The following OAS3 variants were observed in gnomAD, a reference collection of about 807,000 sequenced individuals.
The protein encoded by OAS3 is 2'-5'-oligoadenylate synthetase 3, also known as 2'-5'-oligoadenylate synthase 3.
Under a neutral mutation model 113.0 loss-of-function variants are expected in OAS3, and 107 were observed. The observed-to-expected ratio is 0.95, with a 90% CI of 0.81 to 1.11. The LOEUF (loss-of-function observed/expected upper bound fraction) is 1.11, where lower values mean the gene tolerates loss of function less well. OAS3 is among the 50% of genes most tolerant of loss of function. The pLI is 0.00. For synonymous variants in OAS3, 552 were observed against 573.6 expected, an observed-to-expected ratio of 0.96 and a Z score of 0.54; for missense variants, 1,258 against 1,389.1, an observed-to-expected ratio of 0.91 and a Z score of 1.50.
In OAS3 at chr12:112,945,184, C is replaced by G. The variant is rs141222627; in HGVS notation, c.636+533C>G. ...AAATGTAGCCGGGCGTGGTGGTACA[C>G]ACCTGTAATTCCAGTTACTCGGGAG... is the stretch of plus-strand genomic sequence containing the variant. On this transcript the variant is annotated intron_variant, in intron 3 of 15. Transcript: ENST00000228928. The G allele has an allele frequency of 1.7e-4, 30 of 181,128 alleles. No homozygotes were observed. In the East Asian group the frequency reaches 4.1e-3, roughly 25 times the overall value. The allele number at this position is 181,128 out of a possible 1,614,324, so 11.2% of individuals were successfully genotyped here.
intron 15 of OAS3, 91 bp downstream of exon 15, chr12:112,969,846 G>A: frequency 6.3e-7 from 1 of 1,589,306 alleles, no homozygotes; most frequent in Non-Finnish European, 8.6e-7. Flanking sequence ...TAAAGGGGCA[G>A]GGCCCAGTGA....
chr12:112,941,527 GAATTGGACAGTAT>G, intron 1 of OAS3, 30 bp from the exon 2 acceptor site: 1 of 1,588,246 alleles, frequency 6.3e-7, no homozygotes, highest in South Asian at 1.2e-5. Flanking sequence ...AAGGCCACTA[GAATTGGACAGTAT>G]GAAATTCTGA....
chr12:112,939,590 G>T (rs910384629), intron 1 of OAS3, among the ~76,000 whole-genome samples: 4 of 152,064 alleles, frequency 2.6e-5, no homozygotes, highest in Admixed American at 6.6e-5. Context: ...CAAAGTGCTG[G>T]GATTACAGGT....
intron 7 of OAS3, among the ~76,000 whole-genome samples, chr12:112,951,318 A>G (rs1290673369): frequency 6.6e-6 from 1 of 151,990 alleles, no homozygotes; most frequent in Non-Finnish European, 1.5e-5. Flanking sequence ...CCTTATTTTA[A>G]AGGGTTTACT....
chr12:112,952,461 T>C (rs1402051532), intron 7 of OAS3, among the ~76,000 whole-genome samples: 1 of 152,206 alleles, frequency 6.6e-6, no homozygotes, highest in Admixed American at 6.5e-5. Context: ...AACAATGATA[T>C]AATGATCTTC....
At position 112,944,602 on chromosome 12, in the gene OAS3, C is replaced by T. The variant is rs781434273; in HGVS notation, c.587C>T (p.Pro196Leu). Residue 196 changes from proline to leucine, a missense_variant, in exon 3 of 16, where the codon CCA (proline) becomes CTA (leucine). Physicochemically the swap from Pro to Leu is moderately conservative, Grantham distance 98. Coordinates refer to ENST00000228928, the MANE Select transcript of OAS3 (RefSeq NM_006187.4). ...CGGAGGAACTTTGTGAACATTCGCC[C>T]AGCCAAGTTGAAGAACCTAATCTTG... ...ELRRNFVNIR[P>L]AKLKNLILLV... 6.2e-7 allele frequency: 1 copy of T among 1,614,092 alleles called. No individual in the cohort carries two copies. The highest frequency in any genetic ancestry group is 8.5e-7 in the Non-Finnish European group (1 of 1,179,900).
At chr12:112,958,741 G>A (rs1004833422) in intron 7 of OAS3, among the ~76,000 whole-genome samples, 7 of 152,274 alleles carry the variant, frequency 4.6e-5, no homozygotes, top group Non-Finnish European at 7.3e-5. Context: ...CATATGAGGT[G>A]TCAGTCGGCC....
chr12:112,944,060 C>G (rs1019439495), intron 2 of OAS3, among the ~76,000 whole-genome samples: 1 of 152,160 alleles, frequency 6.6e-6, no homozygotes, highest in Non-Finnish European at 1.5e-5. Context: ...TCTTGGGCAT[C>G]GTTTTCCTCT....
rs1275351728 is a variant in OAS3 at position 112,967,981 on chromosome 12, G to A, written c.2911G>A (p.Gly971Arg). The stretch of plus-strand genomic sequence containing the variant: ...GAGAGGCTCCCTACCCCCACAGCAC[G>A]GGCTGGAACTCCTGACTGTGTATGC... ...KGRGSLPPQH[G>R]LELLTVYAWE... The change falls in exon 14 of 16, where the codon GGG becomes AGG. Residue 971 changes from glycine (G) to arginine (R), a missense_variant. Physicochemically the swap from Gly to Arg is moderately radical, Grantham distance 125. Transcript: ENST00000228928. The A allele has an allele frequency of 5.0e-6, 8 of 1,613,860 alleles. No individual in the cohort carries two copies. Among genetic ancestry groups the A allele is most frequent in the East Asian group, 2.2e-5 (1 of 44,904 alleles).
Position 112,941,724 on chromosome 12 carries a change from ACCCAGT to A in OAS3, c.336_341del (p.Val113_Pro114del). On this transcript the variant is annotated inframe_deletion, in exon 2 of 16. Transcript: ENST00000228928. The stretch of plus-strand genomic sequence containing the variant: ...GCATCGCTGGAATCCTGGTGGCAGA[ACCCAGT>A]CCCTGGTCTGAGACTCACGTTTCCT... 1 of 1,614,004 alleles carries A rather than the reference ACCCAGT, an allele frequency of 6.2e-7. No homozygotes were observed. The highest frequency in any genetic ancestry group is 8.5e-7 in the Non-Finnish European group (1 of 1,179,896).
At chr12:112,953,534 C>G (rs1406389771) in intron 7 of OAS3, among the ~76,000 whole-genome samples, 1 of 152,182 alleles carries the variant, frequency 6.6e-6, no homozygotes, top group Non-Finnish European at 1.5e-5. Context: ...AATGGTATTT[C>G]TAGTTCTAGA....
Position 112,941,672 on chromosome 12 carries a change from CG to C in OAS3, c.281del (p.Arg94LeufsTer23). ...FKSYVDQRAR[R>X]AEILSEMRAS... Reference sequence around the variant, plus strand: ...GAGCTATGTGGACCAGAGGGCCCGCCGTGCAGAGATCCTCAGTGAGATGCGG... The same window carrying C: ...GAGCTATGTGGACCAGAGGGCCCGCCTGCAGAGATCCTCAGTGAGATGCGG... On this transcript the variant is annotated frameshift_variant, in exon 2 of 16. Transcript: ENST00000228928. LOFTEE classifies it high-confidence loss of function. 3 of 1,614,036 alleles carry C rather than the reference CG, an allele frequency of 1.9e-6. No homozygotes were observed. Among genetic ancestry groups the C allele is most frequent in the Non-Finnish European group, 1.7e-6 (2 of 1,179,898 alleles).
At chr12:112,938,962 A>G (rs2043655200) in intron 1 of OAS3, among the ~76,000 whole-genome samples, 1 of 152,232 alleles carries the variant, frequency 6.6e-6, no homozygotes, top group African/African-American at 2.4e-5. Flanking sequence ...ATCCTGTAAG[A>G]GGCCCAGCCA....
rs755843173 is a variant in OAS3 at position 112,962,893 on chromosome 12, G to T, written c.2075G>T (p.Arg692Leu). Reference sequence around the variant, plus strand: ...AGAATGCACCTTCTTGGCCAGCTTCGAAAACCCAGGTGAAGACCCGCTTCC... The same window carrying T: ...AGAATGCACCTTCTTGGCCAGCTTCTAAAACCCAGGTGAAGACCCGCTTCC... ...AMRMHLLGQL[R>L]KPRPLVLDPA... The change falls in exon 9 of 16, where the codon CGA (arginine) becomes CTA (leucine). Residue 692 changes from arginine to leucine, a missense_variant. Physicochemically the swap from Arg to Leu is moderately radical, Grantham distance 102. Coordinates refer to ENST00000228928, the MANE Select transcript of OAS3 (RefSeq NM_006187.4). 9 of 1,613,404 alleles carry T rather than the reference G, an allele frequency of 5.6e-6. 1 individual carries two copies. The South Asian group carries it at 9.9e-5, about 18-fold the overall frequency.
At chr12:112,960,649 C>T (rs560527501) in intron 7 of OAS3, among the ~76,000 whole-genome samples, 245 of 152,212 alleles carry the variant, frequency 1.6e-3, no homozygotes, top group Middle Eastern at 6.8e-3. Flanking sequence ...TATTTATGAT[C>T]TCCCTTTTAC....
At chr12:112,951,023 G>A (rs780378769) in intron 7 of OAS3, 48 bp downstream of exon 7, 40 of 1,563,354 alleles carry the variant, frequency 2.6e-5, no homozygotes, top group Non-Finnish European at 3.1e-5. Context: ...GACCTCAGGC[G>A]CCCATCTAAC....
At chr12:112,966,525 C>T (rs2043935678) in intron 12 of OAS3, among the ~76,000 whole-genome samples, 1 of 152,350 alleles carries the variant, frequency 6.6e-6, no homozygotes, top group South Asian at 2.1e-4. Context: ...ACACAACTCT[C>T]TTCATATCTT....
At position 112,941,689 on chromosome 12, in the gene OAS3, T is replaced by C. The variant is rs2043681171; in HGVS notation, c.297T>C (p.Ser99=). 1 of 1,613,930 alleles carries C rather than the reference T, an allele frequency of 6.2e-7. No homozygotes were observed. The change falls in exon 2 of 16, where the codon AGT becomes AGC. Residue 99 remains serine, a synonymous_variant. Transcript: ENST00000228928. ...DQRARRAEIL[S]EMRASLESWW... is the part of the protein sequence containing the mutation. The stretch of plus-strand genomic sequence containing the variant: ...GGGCCCGCCGTGCAGAGATCCTCAG[T>C]GAGATGCGGGCATCGCTGGAATCCT...
chr12:112,967,763 T>G (rs952971870), intron 13 of OAS3, among the ~76,000 whole-genome samples, 170 bp downstream of exon 13: 1 of 152,158 alleles, frequency 6.6e-6, no homozygotes, highest in African/African-American at 2.4e-5. Flanking sequence ...ATCTGTAAGA[T>G]GGGGGTGATA....
Sources: gnomAD v4.1 joint callset for allele counts (sites outside exome capture counted in the v4.1 genomes callset) on GRCh38, gnomAD v4.1.1 for gene constraint, MANE v1.5 for transcripts, NCBI Gene and HGNC (gene_info 2026-07-23, HGNC 2026-07-21) for gene names.